NIPSNAP3A: variants seen among roughly 807,000 people sequenced by gnomAD.
NIPSNAP3A encodes the protein nipsnap homolog 3A, also known as protein NipSnap homolog 3A.
A neutral mutation model predicts 32.3 loss-of-function variants in NIPSNAP3A; 27 were observed. That is an observed-to-expected ratio of 0.84 (90% CI 0.62 to 1.15). NIPSNAP3A has a LOEUF of 1.15. Among genes scored for constraint, NIPSNAP3A ranks in the 50% most tolerant of loss-of-function variants. The probability of loss-of-function intolerance (pLI) is 0.00; values close to 1 mark genes in which losing one functional copy is unlikely to be tolerated. For missense variants in NIPSNAP3A, 278 were observed against 297.2 expected, an observed-to-expected ratio of 0.94 and a Z score of 0.48; for synonymous variants, 108 against 107.3, an observed-to-expected ratio of 1.01 and a Z score of -0.04.
At chr9:104,752,833 G>C (rs1827861645) in intron 2 of NIPSNAP3A, 73 bp from the exon 3 acceptor site, 12 of 1,306,458 alleles carry the variant, frequency 9.2e-6, no homozygotes, top group South Asian at 7.3e-5. Context: ...TTGCTGATGT[G>C]AATGAAACCC....
chr9:104,758,102 T>C (rs897924589), intron 4 of NIPSNAP3A, among the ~76,000 whole-genome samples: 1 of 152,110 alleles, frequency 6.6e-6, no homozygotes, highest in African/African-American at 2.4e-5. Flanking sequence ...CAGTATTTTA[T>C]AGAATACTGA....
chr9:104,752,837 G>T, intron 2 of NIPSNAP3A, 69 bp from the exon 3 acceptor site: 1 of 1,363,344 alleles, frequency 7.3e-7, no homozygotes, highest in South Asian at 1.2e-5. Flanking sequence ...TGATGTGAAT[G>T]AAACCCAGAA....
At chr9:104,754,512 T>C (rs777209588) in intron 3 of NIPSNAP3A, 39 bp from the exon 4 acceptor site, 1 of 1,597,638 alleles carries the variant, frequency 6.3e-7, no homozygotes, top group South Asian at 1.1e-5. Flanking sequence ...GGATATTGCT[T>C]GAATGTTTTC....
intron 3 of NIPSNAP3A, chr9:104,754,328 G>T: frequency 4.7e-6 from 2 of 423,092 alleles, no homozygotes; most frequent in African/African-American, 2.0e-5. Flanking sequence ...CTTTTTCTTT[G>T]TCATCTGTAT....
intron 4 of NIPSNAP3A, among the ~76,000 whole-genome samples, chr9:104,757,355 A>C (rs757739185): frequency 1.3e-5 from 2 of 152,020 alleles, no homozygotes; most frequent in Non-Finnish European, 2.9e-5. Flanking sequence ...CTGGGTTTGA[A>C]TCCCAGGTAC....
Position 104,753,031 on chromosome 9 carries a change from C to T in NIPSNAP3A, c.397C>T (p.Pro133Ser), listed in dbSNP as rs183438068. ...KQESEITYLV[P>S]WCKLEKPPKE... The stretch of plus-strand genomic sequence containing the variant: ...AGAGAGTGAGATTACTTATCTGGTA[C>T]CATGGTGCAAATTAGAAAAACCTCC... The change falls in exon 3 of 6, where the codon CCA (proline) becomes TCA (serine). Residue 133 changes from proline (P) to serine (S), a missense_variant. Physicochemically the swap from Pro to Ser is moderately conservative, Grantham distance 74. Coordinates refer to ENST00000374767, the MANE Select transcript of NIPSNAP3A (RefSeq NM_015469.3). 8 of 1,613,408 alleles carry T rather than the reference C, an allele frequency of 5.0e-6. No individual in the cohort carries two copies. The highest frequency in any genetic ancestry group is 5.9e-6 in the Non-Finnish European group (7 of 1,179,474).
intron 3 of NIPSNAP3A, among the ~76,000 whole-genome samples, chr9:104,753,317 G>A (rs1417276618): frequency 6.6e-6 from 1 of 152,204 alleles, no homozygotes; most frequent in Admixed American, 6.5e-5. Context: ...TATAGAGAAA[G>A]CTGACATGGT....
In NIPSNAP3A at chr9:104,754,704, C is replaced by CA. The variant is rs1564052289; in HGVS notation, c.580+6dup. ...GAGTACGGAGCACTCAACAGAGGTA[C>CA]AATTGTCCATTTCTTCTTATATGAA... On this transcript the variant is annotated splice_donor_region_variant and intron_variant, in intron 4 of 5. Transcript: ENST00000374767. The CA allele has an allele frequency of 6.2e-7, 1 of 1,611,648 alleles. No individual in the cohort carries two copies. The highest frequency in any genetic ancestry group is 8.5e-7 in the Non-Finnish European group (1 of 1,177,878).
At chr9:104,758,491 T>A (rs564391509) in intron 4 of NIPSNAP3A, among the ~76,000 whole-genome samples, 1 of 152,294 alleles carries the variant, frequency 6.6e-6, no homozygotes, top group East Asian at 1.9e-4. Flanking sequence ...TTGTCTTGAT[T>A]GTGCCTCTAG....
chr9:104,754,322 T>C (rs1347325713), intron 3 of NIPSNAP3A: 3 of 417,356 alleles, frequency 7.2e-6, no homozygotes, highest in African/African-American at 6.0e-5. Context: ...CCAGTTCTTT[T>C]TCTTTGTCAT....
At chr9:104,747,967 A>G (rs538622235) in intron 1 of NIPSNAP3A, 115 bp downstream of exon 1, 1 of 1,098,728 alleles carries the variant, frequency 9.1e-7, no homozygotes, top group African/African-American at 1.6e-5. Context: ...GCGCGCCCAG[A>G]CCTGGGGCCC....
At chr9:104,753,688 A>T (rs1460820391) in intron 3 of NIPSNAP3A, 1 of 152,514 alleles carries the variant, frequency 6.6e-6, no homozygotes, top group East Asian at 1.9e-4. Context: ...CAGATTAGAA[A>T]AGCATAAACT....
At chr9:104,749,448 C>T (rs1225218209) in intron 1 of NIPSNAP3A, among the ~76,000 whole-genome samples, 1 of 152,156 alleles carries the variant, frequency 6.6e-6, no homozygotes, top group African/African-American at 2.4e-5. Context: ...AAAAATATGT[C>T]GGAGCAAAAG....
At chr9:104,758,341 C>G (rs1588162391) in intron 4 of NIPSNAP3A, among the ~76,000 whole-genome samples, 1 of 152,100 alleles carries the variant, frequency 6.6e-6, no homozygotes, top group Non-Finnish European at 1.5e-5. Context: ...TAGAGGTTTT[C>G]TCTATACTGT....
chr9:104,752,901 C>T lies in NIPSNAP3A; in HGVS notation c.272-5C>T, dbSNP rs748019253. On this transcript the variant is annotated splice_polypyrimidine_tract_variant and splice_region_variant and intron_variant, in intron 2 of 5. Coordinates refer to ENST00000374767, the MANE Select transcript of NIPSNAP3A (RefSeq NM_015469.3). ...TTATTTTTCTTAATTCTTTTCTTCC[C>T]ACAGATAATTTTGCTCATCGAACTG... 19 of 1,609,818 alleles carry T rather than the reference C, an allele frequency of 1.2e-5. No homozygotes were observed.
At chr9:104,756,716 G>A (rs566936136) in intron 4 of NIPSNAP3A, among the ~76,000 whole-genome samples, 98 of 151,892 alleles carry the variant, frequency 6.5e-4, no homozygotes, top group African/African-American at 2.3e-3. Flanking sequence ...TATGTGTATA[G>A]GTGTGCTAAA....
intron 4 of NIPSNAP3A, among the ~76,000 whole-genome samples, chr9:104,758,654 C>T (rs1203152914): frequency 6.6e-6 from 1 of 151,914 alleles, no homozygotes; most frequent in Non-Finnish European, 1.5e-5. Flanking sequence ...ATCACTATTT[C>T]GATTTAAAGA....
chr9:104,753,003 A>AC lies in NIPSNAP3A; in HGVS notation c.370dup (p.Gln124ProfsTer4). On this transcript the variant is annotated frameshift_variant, in exon 3 of 6. Transcript: ENST00000374767. LOFTEE classifies it high-confidence loss of function. ...TTCCAAATTTGGCTCTCATTGATAA[A>AC]CAAGAGAGTGAGATTACTTATCTGG... 6.2e-7 allele frequency: 1 copy of AC among 1,612,976 alleles called. No homozygotes were observed. Among genetic ancestry groups the AC allele is most frequent in the Admixed American group, 1.7e-5 (1 of 60,022 alleles).
chr9:104,755,870 A>AT lies in NIPSNAP3A; in HGVS notation c.580+1172dup, dbSNP rs150554548. ...GAGTTCAAGGCTACAGTAAGCTATG[A>AT]TTGCACCACTGCACTCCAACCCCTG... is the stretch of plus-strand genomic sequence containing the variant. On this transcript the variant is annotated intron_variant, in intron 4 of 5. Coordinates refer to ENST00000374767, the MANE Select transcript of NIPSNAP3A (RefSeq NM_015469.3). 6.7e-3 allele frequency among the ~76,000 whole-genome samples: 1,017 copies of AT among 152,100 alleles called. 19 individuals are homozygous for AT. The highest frequency in any genetic ancestry group is 0.023 in the African/African-American group (963 of 41,498).
Sources: gnomAD v4.1 joint callset for allele counts (sites outside exome capture counted in the v4.1 genomes callset) on GRCh38, gnomAD v4.1.1 for gene constraint, MANE v1.5 for transcripts, NCBI Gene and HGNC (gene_info 2026-07-23, HGNC 2026-07-21) for gene names.